The following PRR33 variants were observed in gnomAD, a reference collection of about 807,000 sequenced individuals.
The protein encoded by PRR33 is proline-rich protein 33.
In PRR33, 1 loss-of-function variant was observed where a neutral mutation model predicts 0.5. That is an observed-to-expected ratio of 2.18 (90% CI 0.77 to 10.34). The LOEUF is 10.34. Ranked by LOEUF, PRR33 falls within the 30% of genes most tolerant of loss-of-function variation. PRR33 has a pLI of 0.13. For missense variants in PRR33, 552 were observed against 251.8 expected (o/e 2.19, Z -8.07); for synonymous variants, 226 against 110.0 (o/e 2.06, Z -6.60).
chr11:1,910,033 G>A, the PRR33 span, among the ~76,000 whole-genome samples: 9 of 152,316 alleles, frequency 5.9e-5, no homozygotes, highest in African/African-American at 1.9e-4. Context: ...TGCTGTGTCC[G>A]GGACTTCGCC....
chr11:1,900,541 A>T, the PRR33 span, among the ~76,000 whole-genome samples: 1 of 152,114 alleles, frequency 6.6e-6, no homozygotes, highest in African/African-American at 2.4e-5. Flanking sequence ...CTCCTGGAGG[A>T]CTCAATATTG....
At chr11:1,916,484 G>C in the PRR33 span, among the ~76,000 whole-genome samples, 1 of 126,040 alleles carries the variant, frequency 7.9e-6, no homozygotes, top group Non-Finnish European at 1.7e-5. Context: ...CCCAGCTGGG[G>C]AACCACCCAG....
chr11:1,889,846 C>T, exon 1 of PRR33: 1 of 633,706 alleles, frequency 1.6e-6, no homozygotes, highest in Non-Finnish European at 2.9e-6. Context: ...GGCCGTGGTA[C>T]AGGGGGCTCC....
chr11:1,901,767 A>T, the PRR33 span, among the ~76,000 whole-genome samples: 1 of 152,240 alleles, frequency 6.6e-6, no homozygotes, highest in Non-Finnish European at 1.5e-5. Context: ...CACGTTAAAC[A>T]AAGGTAAGAC....
chr11:1,888,881 C>T (rs571816125), exon 1 of PRR33: 125 of 403,128 alleles, frequency 3.1e-4, no homozygotes, highest in African/African-American at 2.1e-3. Context: ...TCCTACATCC[C>T]GACGCAGACC....
chr11:1,907,496 C>T, the PRR33 span, among the ~76,000 whole-genome samples: 113 of 152,324 alleles, frequency 7.4e-4, 1 homozygote, highest in South Asian at 6.0e-3. Context: ...ACTGCAACCT[C>T]GGCCTCCAGG....
At chr11:1,897,524 G>A in the PRR33 span, among the ~76,000 whole-genome samples, 1 of 152,212 alleles carries the variant, frequency 6.6e-6, no homozygotes, top group Non-Finnish European at 1.5e-5. This position sits in a 1 kb window ranked among gnomAD's most constrained non-coding sequence, Gnocchi z 4.0. Context: ...CGTTTAGCTT[G>A]CGTGACTCCA....
the PRR33 span, among the ~76,000 whole-genome samples, chr11:1,898,943 G>A: frequency 1.3e-5 from 2 of 152,186 alleles, no homozygotes; most frequent in Admixed American, 6.5e-5. Context: ...AAAGGTTGCT[G>A]TGAGCTGAGA....
the PRR33 span, among the ~76,000 whole-genome samples, chr11:1,903,422 AG>A: frequency 6.6e-6 from 1 of 152,276 alleles, no homozygotes. Context: ...CTGGAATTAC[AG>A]GCATGGGCCA....
the PRR33 span, among the ~76,000 whole-genome samples, chr11:1,913,888 G>T: frequency 6.6e-6 from 1 of 152,246 alleles, no homozygotes; most frequent in African/African-American, 2.4e-5. Flanking sequence ...GCTGCCACGG[G>T]CTCCCACTGC....
the PRR33 span, among the ~76,000 whole-genome samples, chr11:1,912,076 G>A: frequency 6.6e-6 from 1 of 151,184 alleles, no homozygotes; most frequent in South Asian, 2.1e-4. Flanking sequence ...AGAGGGTGAG[G>A]TGGGGGAGAT....
rs1278289011 is a variant in PRR33 at position 1,889,303 on chromosome 11, CTGGGGTGTGCTCCCCACCGCTGGG to C, written c.1258_1281del (p.Pro420_Pro427del). ...AGGAAGGGCAGGCGGGTGAGGCTGG[CTGGGGTGTGCTCCCCACCGCTGGG>C]CCCTGCCAGGCGCCCTTGGGCCTCC... On this transcript the variant is annotated inframe_deletion, in exon 1 of 1. Transcript: ENST00000640310. 9 of 703,908 alleles carry C rather than the reference CTGGGGTGTGCTCCCCACCGCTGGG, an allele frequency of 1.3e-5. No individual in the cohort carries two copies. The Admixed American group carries it at 1.8e-4, about 14-fold the overall frequency. 43.6% of individuals were successfully genotyped at this position (703,908 alleles called of 1,614,324 possible). A position where few individuals can be genotyped will look rare whatever the true frequency, so the allele number is the denominator to read the frequency against.
At chr11:1,889,841 T>C (rs1191268587) in exon 1 of PRR33, 5 of 633,816 alleles carry the variant, frequency 7.9e-6, no homozygotes, top group Non-Finnish European at 1.4e-5. Flanking sequence ...GTGGCGGCCG[T>C]GGTACAGGGG....
the PRR33 span, among the ~76,000 whole-genome samples, chr11:1,905,122 CT>C: frequency 0.015 from 1,428 of 96,444 alleles, 5 homozygotes; most frequent in African/African-American, 0.044. Flanking sequence ...CTTGAGAATT[CT>C]TTTTTTTTTT....
At chr11:1,899,574 A>T in the PRR33 span, among the ~76,000 whole-genome samples, 31 of 152,310 alleles carry the variant, frequency 2.0e-4, no homozygotes, top group Middle Eastern at 0.01. Flanking sequence ...GGACTATTTC[A>T]TAAGGCACCA....
At chr11:1,889,558 A>G (rs945341735) in exon 1 of PRR33, 3 of 612,464 alleles carry the variant, frequency 4.9e-6, no homozygotes, top group Non-Finnish European at 9.0e-6. Context: ...TTCTTGAGCC[A>G]CGTCCAGCCA....
At chr11:1,897,810 A>G in the PRR33 span, among the ~76,000 whole-genome samples, 1 of 152,156 alleles carries the variant, frequency 6.6e-6, no homozygotes, top group Non-Finnish European at 1.5e-5. This position sits in a 1 kb window ranked among gnomAD's most constrained non-coding sequence, Gnocchi z 4.0. Flanking sequence ...TTAGCATCCT[A>G]CAGATGGCTG....
chr11:1,894,585 G>A (rs1477722659), upstream of PRR33, among the ~76,000 whole-genome samples: 2 of 152,108 alleles, frequency 1.3e-5, no homozygotes, highest in Non-Finnish European at 2.9e-5. Flanking sequence ...CAGCACGCAC[G>A]CACTCCTTGT....
the PRR33 span, among the ~76,000 whole-genome samples, chr11:1,903,965 A>G: frequency 6.6e-6 from 1 of 152,212 alleles, no homozygotes; most frequent in Non-Finnish European, 1.5e-5. Context: ...CCAGTGAATG[A>G]TCAAATCAGA....
Sources: gnomAD v4.1 joint callset for allele counts (sites outside exome capture counted in the v4.1 genomes callset) on GRCh38, gnomAD v4.1.1 for gene constraint, Gnocchi (gnomAD v3.1) non-coding constraint, MANE v1.5 for transcripts, NCBI Gene and HGNC (gene_info 2026-07-23, HGNC 2026-07-21) for gene names.